The following CDKAL1 variants were observed in gnomAD, a reference collection of about 807,000 sequenced individuals.
CDKAL1 encodes threonylcarbamoyladenosine tRNA methylthiotransferase.
Under a neutral mutation model 68.2 loss-of-function variants are expected in CDKAL1, and 32 were observed. The ratio of observed to expected loss-of-function variants is 0.47; its 90% confidence interval spans 0.35 to 0.63. The LOEUF (loss-of-function observed/expected upper bound fraction) is 0.63. CDKAL1 is among the 30% of genes least tolerant of loss of function. The pLI is 0.00. For synonymous variants in CDKAL1, 234 were observed against 244.3 expected, an observed-to-expected ratio of 0.96 and a Z score of 0.39; for missense variants, 606 against 696.7, an observed-to-expected ratio of 0.87 and a Z score of 1.47.
At chr6:20,567,308 A>G (rs754292818) in intron 4 of CDKAL1, among the ~76,000 whole-genome samples, 1 of 151,636 alleles carries the variant, frequency 6.6e-6, no homozygotes, top group Non-Finnish European at 1.5e-5. Flanking sequence ...AAAATGGTTT[A>G]TGGAGTAGTT....
In CDKAL1 at chr6:21,125,282, G is replaced by A. The variant is rs923138506; in HGVS notation, c.1299+16819G>A. Among the ~76,000 whole-genome samples the A allele has an allele frequency of 4.6e-5, 7 of 152,064 alleles. No individual in the cohort carries two copies. The East Asian group carries it at 5.8e-4, about 13-fold the overall frequency. On this transcript the variant is annotated intron_variant, in intron 13 of 15. Coordinates refer to ENST00000274695, the MANE Select transcript of CDKAL1 (RefSeq NM_017774.3). ...TCCTGCATTCATTCTCCTTCCTAGC[G>A]TCATGTGAAGAAGGTGCCTTGCTTC...
At chr6:20,974,557 A>G (rs1455221660) in intron 10 of CDKAL1, among the ~76,000 whole-genome samples, 1 of 152,208 alleles carries the variant, frequency 6.6e-6, no homozygotes, top group African/African-American at 2.4e-5. Flanking sequence ...TTGAGAAATC[A>G]GAGTTATGCT....
At chr6:20,592,329 C>T (rs1376653842) in intron 4 of CDKAL1, among the ~76,000 whole-genome samples, 2 of 152,216 alleles carry the variant, frequency 1.3e-5, no homozygotes, top group African/African-American at 4.8e-5. Context: ...TTCCTCTCTT[C>T]CTATTCGAAT....
chr6:20,559,303 A>G (rs1764179559), intron 4 of CDKAL1: 1 of 152,194 alleles, frequency 6.6e-6, no homozygotes, highest in Admixed American at 6.5e-5. Flanking sequence ...GGATTAAGGA[A>G]AAACCTCGTT....
At chr6:20,686,291 G>A (rs1770617389) in intron 5 of CDKAL1, among the ~76,000 whole-genome samples, 1 of 152,164 alleles carries the variant, frequency 6.6e-6, no homozygotes, top group Non-Finnish European at 1.5e-5. Context: ...CGCATAGCAG[G>A]AGGTGAGCGG....
intron 10 of CDKAL1, among the ~76,000 whole-genome samples, chr6:20,964,659 G>C (rs540057420): frequency 6.6e-6 from 1 of 152,228 alleles, no homozygotes; most frequent in East Asian, 1.9e-4. Flanking sequence ...GGGGCCATGT[G>C]GGGTGGGAGG....
In CDKAL1 at chr6:20,650,371, G is replaced by A. The variant is rs142346610; in HGVS notation, c.371+994G>A. ...GCTGCATAAATGTCTTTTGAGAAGT[G>A]TCCATGTGCTTTGCCCACTTTTTAA... On this transcript the variant is annotated intron_variant, in intron 5 of 15. Transcript: ENST00000274695. Among the ~76,000 whole-genome samples, 1,072 of 152,148 alleles carry A rather than the reference G, an allele frequency of 7.0e-3. 12 individuals are homozygous for A. Among genetic ancestry groups the A allele is most frequent in the African/African-American group, 0.025 (1,028 of 41,486 alleles).
In CDKAL1 at chr6:21,081,187, G is replaced by A. The variant is rs150120804; in HGVS notation, c.1236+15959G>A. On this transcript the variant is annotated intron_variant, in intron 12 of 15. Transcript: ENST00000274695. ...TTCATTTTTATCCTGCTTCTTTTAC[G>A]AATTTGTAATTACCAAAAGAGGAAG... 1.6e-3 allele frequency among the ~76,000 whole-genome samples: 237 copies of A among 152,062 alleles called. 1 individual carries two copies. The highest frequency in any genetic ancestry group is 4.1e-3 in the Admixed American group (62 of 15,272).
intron 9 of CDKAL1, among the ~76,000 whole-genome samples, chr6:20,906,550 A>G (rs1167820467): frequency 2.6e-5 from 4 of 152,154 alleles, no homozygotes; most frequent in Admixed American, 6.5e-5. Flanking sequence ...TGTTAAACCC[A>G]TTATAAAGTC....
chr6:20,955,939 C>T (rs945693253), intron 10 of CDKAL1, among the ~76,000 whole-genome samples: 5 of 152,166 alleles, frequency 3.3e-5, no homozygotes, highest in African/African-American at 4.8e-5. Flanking sequence ...GCATTAATTT[C>T]GCAACCCACA....
At chr6:21,147,230 AATTTT>A (rs1489441542) in intron 13 of CDKAL1, among the ~76,000 whole-genome samples, 1 of 152,200 alleles carries the variant, frequency 6.6e-6, no homozygotes, top group African/African-American at 2.4e-5. Context: ...TAAAAAAGAT[AATTTT>A]ATTTAGTATA....
At chr6:20,643,061 G>T (rs1768264878) in intron 4 of CDKAL1, among the ~76,000 whole-genome samples, 1 of 152,186 alleles carries the variant, frequency 6.6e-6, no homozygotes, top group Non-Finnish European at 1.5e-5. Context: ...TAGCTTATGT[G>T]CAGATGGTTT....
chr6:21,187,127 G>A (rs1778047051), intron 13 of CDKAL1, among the ~76,000 whole-genome samples: 1 of 152,176 alleles, frequency 6.6e-6, no homozygotes, highest in Non-Finnish European at 1.5e-5. Context: ...TCTCAATTGA[G>A]ATTCGCCACA....
chr6:21,158,353 A>G (rs1776746142), intron 13 of CDKAL1, among the ~76,000 whole-genome samples: 2 of 152,328 alleles, frequency 1.3e-5, no homozygotes, highest in African/African-American at 4.8e-5. Context: ...GTTGTTTATT[A>G]CAGTCAATTT....
chr6:21,027,530 G>T (rs12209877), intron 11 of CDKAL1, among the ~76,000 whole-genome samples: 40,013 of 152,142 alleles, frequency 0.26, 6,043 homozygotes, highest in Middle Eastern at 0.35. Context: ...CATGAAGAGA[G>T]AGATTTAAGT....
chr6:21,108,002 A>G (rs999466294), intron 12 of CDKAL1, among the ~76,000 whole-genome samples: 3 of 152,218 alleles, frequency 2.0e-5, no homozygotes, highest in Non-Finnish European at 4.4e-5. Flanking sequence ...AAATGAATGC[A>G]TGTCTGTGCC....
At chr6:21,011,096 A>T (rs1767991152) in intron 11 of CDKAL1, among the ~76,000 whole-genome samples, 1 of 137,690 alleles carries the variant, frequency 7.3e-6, no homozygotes, top group African/African-American at 2.8e-5. Flanking sequence ...AAAAAAAAAA[A>T]AGCCAGGCAC....
intron 4 of CDKAL1, among the ~76,000 whole-genome samples, chr6:20,636,336 C>A (rs1767903592): frequency 6.6e-6 from 1 of 152,114 alleles, no homozygotes; most frequent in Admixed American, 6.6e-5. Flanking sequence ...TCTTCTATTG[C>A]CATGTAACCA....
chr6:20,819,586 C>T (rs1777189323), intron 8 of CDKAL1, among the ~76,000 whole-genome samples: 4 of 152,090 alleles, frequency 2.6e-5, no homozygotes, highest in Admixed American at 2.0e-4. Flanking sequence ...AGATGTTATC[C>T]TAAGATGACC....
Sources: gnomAD v4.1 joint callset for allele counts (sites outside exome capture counted in the v4.1 genomes callset) on GRCh38, gnomAD v4.1.1 for gene constraint, MANE v1.5 for transcripts, NCBI Gene and HGNC (gene_info 2026-07-23, HGNC 2026-07-21) for gene names.